HMGCLL1: variants seen among roughly 807,000 people sequenced by gnomAD.
HMGCLL1 encodes 3-hydroxymethyl-3-methylglutaryl-CoA lyase, cytoplasmic.
In HMGCLL1, 36 loss-of-function variants were observed where a neutral mutation model predicts 39.1. The ratio of observed to expected loss-of-function variants is 0.92; its 90% confidence interval spans 0.71 to 1.22. HMGCLL1 has a LOEUF of 1.22. Ranked by LOEUF, HMGCLL1 falls within the 50% of genes most tolerant of loss-of-function variation. HMGCLL1 has a pLI of 0.00. For missense variants in HMGCLL1, 451 were observed against 416.5 expected (o/e 1.08, Z -0.72); for synonymous variants, 149 against 144.0 (o/e 1.03, Z -0.25).
At position 55,452,667 on chromosome 6, in the gene HMGCLL1, TA is replaced by T. The variant is rs1187380565; in HGVS notation, c.796-13109del. ...GGTAAAGCTGAGATTCAGAATCAGG[TA>T]AAAAAAGACTTCTTTCTAAATCTCT... On this transcript the variant is annotated intron_variant, in intron 7 of 8. Transcript: ENST00000274901. Among the ~76,000 whole-genome samples the T allele has an allele frequency of 5.9e-5, 9 of 152,200 alleles. No individual in the cohort carries two copies. The East Asian group carries it at 1.5e-3, about 26-fold the overall frequency.
chr6:55,633,060 A>G, the HMGCLL1 span, among the ~76,000 whole-genome samples: 8 of 152,198 alleles, frequency 5.3e-5, no homozygotes, highest in South Asian at 2.1e-4. Context: ...TAAAAATTGT[A>G]TTACTTTAAA....
intron 3 of HMGCLL1, among the ~76,000 whole-genome samples, chr6:55,526,118 C>T (rs911844185): frequency 5.9e-5 from 9 of 151,826 alleles, no homozygotes; most frequent in Non-Finnish European, 1.2e-4. Flanking sequence ...TGCAGCTAAG[C>T]CTTTGAAGGT....
Position 55,532,804 on chromosome 6 carries a change from C to CATA in HMGCLL1, c.297+8922_297+8924dup, listed in dbSNP as rs201080387. Among the ~76,000 whole-genome samples, 571 of 71,500 alleles carry CATA rather than the reference C, an allele frequency of 8.0e-3. 2 individuals carry two copies. The highest frequency in any genetic ancestry group is 0.013 in the South Asian group (37 of 2,766). The allele number at this position is 71,500 out of a possible 152,430, so 46.9% of individuals were successfully genotyped here. On this transcript the variant is annotated intron_variant, in intron 3 of 8. Coordinates refer to ENST00000274901, the MANE Select transcript of HMGCLL1 (RefSeq NM_001042406.2). ...CAACAAAGCAAGACTCTGTCTCAAA[C>CATA]ATAATAATAATAATAATAATAATAA...
At chr6:55,488,295 C>T (rs1581846179) in intron 7 of HMGCLL1, among the ~76,000 whole-genome samples, 1 of 152,114 alleles carries the variant, frequency 6.6e-6, no homozygotes, top group African/African-American at 2.4e-5. Context: ...TACAGTTAAT[C>T]ATACTTACAC....
Position 55,544,781 on chromosome 6 carries a change from C to G in HMGCLL1, c.109-2641G>C, listed in dbSNP as rs577805101. 1.1e-3 allele frequency among the ~76,000 whole-genome samples: 173 copies of G among 152,160 alleles called. 1 individual carries two copies. Among genetic ancestry groups the G allele is most frequent in the African/African-American group, 4.0e-3 (168 of 41,538 alleles). On this transcript the variant is annotated intron_variant, in intron 1 of 8. Coordinates refer to ENST00000274901, the MANE Select transcript of HMGCLL1 (RefSeq NM_001042406.2). ...TCTCTACAATTTCCATGAAATTAGT[C>G]AATTCAATAAGCAAAAAAAGCAACC...
the HMGCLL1 span, among the ~76,000 whole-genome samples, chr6:55,651,465 C>T: frequency 8.5e-5 from 13 of 152,092 alleles, no homozygotes; most frequent in African/African-American, 3.1e-4. Flanking sequence ...AGATACAAGA[C>T]AAAGTCCTCT....
intron 8 of HMGCLL1, among the ~76,000 whole-genome samples, chr6:55,436,921 G>GTAAT (rs1157735984): frequency 5.3e-5 from 8 of 152,062 alleles, no homozygotes; most frequent in African/African-American, 1.7e-4. Context: ...TTTTGTCGTG[G>GTAAT]TAACGGCTTT....
At chr6:55,627,896 TATAGTATATATACTA>T in the HMGCLL1 span, among the ~76,000 whole-genome samples, 7 of 33,784 alleles carry the variant, frequency 2.1e-4, no homozygotes, top group African/African-American at 1.0e-3. Flanking sequence ...TATATATATA[TATAGTATATATACTA>T]TATATATATA....
At chr6:55,650,100 T>TACAC in the HMGCLL1 span, among the ~76,000 whole-genome samples, 1 of 33,178 alleles carries the variant, frequency 3.0e-5, no homozygotes, top group African/African-American at 2.0e-4. Flanking sequence ...CATATATATA[T>TACAC]ATATATATAT....
At chr6:55,488,653 T>G (rs1470975447) in intron 7 of HMGCLL1, among the ~76,000 whole-genome samples, 1 of 152,068 alleles carries the variant, frequency 6.6e-6, no homozygotes, top group Non-Finnish European at 1.5e-5. Flanking sequence ...AACTGTCACT[T>G]CTAGAAGAGG....
chr6:55,553,975 G>A (rs1050616444), intron 1 of HMGCLL1, among the ~76,000 whole-genome samples: 5 of 152,066 alleles, frequency 3.3e-5, no homozygotes, highest in Admixed American at 1.3e-4. Flanking sequence ...CACCTCCAGT[G>A]CTGACAACAT....
At chr6:55,469,370 C>T (rs1248916067) in intron 7 of HMGCLL1, among the ~76,000 whole-genome samples, 1 of 147,270 alleles carries the variant, frequency 6.8e-6, no homozygotes, top group Non-Finnish European at 1.5e-5. Flanking sequence ...TATATATGTA[C>T]ACATACATAT....
At chr6:55,518,347 A>C (rs9475336) in intron 3 of HMGCLL1, among the ~76,000 whole-genome samples, 103,852 of 151,956 alleles carry the variant, frequency 0.68, 35,540 homozygotes, top group Admixed American at 0.72. Flanking sequence ...GAGAGTTTGA[A>C]AGAGCACATG....
the HMGCLL1 span, among the ~76,000 whole-genome samples, chr6:55,665,513 T>A: frequency 6.6e-6 from 1 of 151,730 alleles, no homozygotes; most frequent in Non-Finnish European, 1.5e-5. Flanking sequence ...GAGATTCCAA[T>A]GCTGAAACAA....
At chr6:55,504,712 C>A (rs562081111) in intron 5 of HMGCLL1, among the ~76,000 whole-genome samples, 400 of 151,572 alleles carry the variant, frequency 2.6e-3, no homozygotes, top group Non-Finnish European at 3.5e-3. Context: ...TTGGTTGAAT[C>A]CCTGCATGTA....
intron 1 of HMGCLL1, chr6:55,563,974 C>T: frequency 1.3e-6 from 1 of 782,604 alleles, no homozygotes; most frequent in Admixed American, 2.3e-5. Flanking sequence ...CTGGCTACCT[C>T]AACATTCAGC....
chr6:55,534,858 G>T (rs770815745), intron 3 of HMGCLL1, among the ~76,000 whole-genome samples: 1 of 152,190 alleles, frequency 6.6e-6, no homozygotes, highest in Non-Finnish European at 1.5e-5. Context: ...AGGATATGTA[G>T]CAATTACATA....
At chr6:55,470,246 C>G (rs1301498888) in intron 7 of HMGCLL1, among the ~76,000 whole-genome samples, 1 of 151,820 alleles carries the variant, frequency 6.6e-6, no homozygotes, top group Non-Finnish European at 1.5e-5. Flanking sequence ...TAGAATAGTA[C>G]AGGGTTTCAT....
chr6:55,553,737 T>C (rs1363993283), intron 1 of HMGCLL1, among the ~76,000 whole-genome samples: 5 of 152,180 alleles, frequency 3.3e-5, no homozygotes, highest in Non-Finnish European at 5.9e-5. Flanking sequence ...TTTTTTCTGA[T>C]ATTTTGCAAA....
Sources: gnomAD v4.1 joint callset for allele counts (sites outside exome capture counted in the v4.1 genomes callset) on GRCh38, gnomAD v4.1.1 for gene constraint, MANE v1.5 for transcripts, NCBI Gene and HGNC (gene_info 2026-07-23, HGNC 2026-07-21) for gene names.